Variants in GAB1 observed in about 807,000 individuals in gnomAD.
GAB1 encodes GRB2-associated-binding protein 1.
A neutral mutation model predicts 66.5 loss-of-function variants in GAB1; 19 were observed. That is an observed-to-expected ratio of 0.29 (90% CI 0.20 to 0.42). The LOEUF (loss-of-function observed/expected upper bound fraction) is 0.42. Among genes scored for constraint, GAB1 ranks in the 10% least tolerant of loss-of-function variants. GAB1 has a pLI of 1.00. For missense variants in GAB1, 732 were observed against 858.5 expected, an observed-to-expected ratio of 0.85 and a Z score of 1.84; for synonymous variants, 294 against 301.4, an observed-to-expected ratio of 0.98 and a Z score of 0.25.
At chr4:143,426,101 A>C in intron 2 of GAB1, 2 of 489,938 alleles carry the variant, frequency 4.1e-6, no homozygotes, top group Admixed American at 3.6e-5. Flanking sequence ...TAAAGATAAA[A>C]AGTTAGAGGT....
intron 2 of GAB1, chr4:143,424,848 GGGAGGCTGAGGCA>G: frequency 2.5e-6 from 1 of 398,240 alleles, no homozygotes; most frequent in South Asian, 2.5e-5. Context: ...CCAGCTACTC[GGGAGGCTGAGGCA>G]GGAGAATCAC....
chr4:143,416,517 T>C (rs1578681757), intron 2 of GAB1, among the ~76,000 whole-genome samples: 1 of 152,212 alleles, frequency 6.6e-6, no homozygotes, highest in East Asian at 1.9e-4. Flanking sequence ...ACACCTATAA[T>C]CCCTGCACTT....
At chr4:143,348,824 A>G (rs1481283168) in intron 1 of GAB1, among the ~76,000 whole-genome samples, 1 of 152,062 alleles carries the variant, frequency 6.6e-6, no homozygotes, top group Non-Finnish European at 1.5e-5. Context: ...CCCTTCAGCT[A>G]TACTGAACTT....
At chr4:143,410,848 G>C (rs1256473127) in intron 1 of GAB1, among the ~76,000 whole-genome samples, 1 of 152,108 alleles carries the variant, frequency 6.6e-6, no homozygotes, top group Non-Finnish European at 1.5e-5. Context: ...AGCAGACATT[G>C]ACTGAGCACC....
At chr4:143,379,294 A>G (rs1560729029) in intron 1 of GAB1, among the ~76,000 whole-genome samples, 1 of 152,230 alleles carries the variant, frequency 6.6e-6, no homozygotes, top group Non-Finnish European at 1.5e-5. Context: ...ACTTAGAGAT[A>G]CAAAAAATAG....
chr4:143,458,090 T>C lies in GAB1; in HGVS notation c.1586-1295T>C, dbSNP rs1463327545. Among the ~76,000 whole-genome samples, 4 of 152,172 alleles carry C rather than the reference T, an allele frequency of 2.6e-5. No homozygotes were observed. The South Asian group carries it at 8.3e-4, about 31-fold the overall frequency. On this transcript the variant is annotated intron_variant, in intron 6 of 9. Coordinates refer to ENST00000262994, the MANE Select transcript of GAB1 (RefSeq NM_002039.4). Reference sequence around the variant, plus strand: ...TGTGATTTTCTGTTGTCTTCTGTCTTTATGTATATGTGTTCTGTTCTGAGA... The same window carrying C: ...TGTGATTTTCTGTTGTCTTCTGTCTCTATGTATATGTGTTCTGTTCTGAGA...
chr4:143,348,134 A>G (rs1019813736), intron 1 of GAB1, among the ~76,000 whole-genome samples: 3 of 152,216 alleles, frequency 2.0e-5, no homozygotes, highest in Non-Finnish European at 2.9e-5. Context: ...CCCAGTTCCC[A>G]TAAGAACTCT....
chr4:143,346,764 A>G (rs1297273209), intron 1 of GAB1, among the ~76,000 whole-genome samples: 1 of 152,224 alleles, frequency 6.6e-6, no homozygotes, highest in African/African-American at 2.4e-5. Context: ...GAGAAAAGGT[A>G]AAAGGAAATA....
Position 143,460,630 on chromosome 4 carries a change from A to C in GAB1, c.1803+143A>C, listed in dbSNP as rs1735440377. 7.0e-6 allele frequency: 5 copies of C among 712,374 alleles called. 1 individual carries two copies. In the South Asian group the frequency reaches 1.3e-4, roughly 18 times the overall value. 44.1% of individuals were successfully genotyped at this position (712,374 alleles called of 1,614,324 possible). ...AAGACAACTTTTAAAAAGCTTATTA[A>C]AAATAATGTCATAAACTCTAAAACC... On this transcript the variant is annotated intron_variant, in intron 8 of 9. Transcript: ENST00000262994.
intron 6 of GAB1, among the ~76,000 whole-genome samples, chr4:143,441,064 G>A (rs1382420637): frequency 1.3e-5 from 2 of 152,086 alleles, no homozygotes; most frequent in African/African-American, 2.4e-5. Flanking sequence ...CTTTGCTGGG[G>A]TAATACATGC....
At position 143,453,383 on chromosome 4, in the gene GAB1, A is replaced by C. The variant is rs554474211; in HGVS notation, c.1586-6002A>C. ...CTTTTAGTACCCACCCCAGAAAAAA[A>C]GGTAATGAAGATGAAGAAGAACTCG... is the stretch of plus-strand genomic sequence containing the variant. On this transcript the variant is annotated intron_variant, in intron 6 of 9. Transcript: ENST00000262994. Among the ~76,000 whole-genome samples, 158 of 152,288 alleles carry C rather than the reference A, an allele frequency of 1.0e-3. No homozygotes were observed. The Middle Eastern group carries it at 0.014, about 13-fold the overall frequency.
At chr4:143,468,913 A>C in intron 9 of GAB1, 118 bp from the exon 10 acceptor site, 2 of 1,070,928 alleles carry the variant, frequency 1.9e-6, no homozygotes, top group Non-Finnish European at 2.6e-6. Context: ...ACAAGAGCAA[A>C]ACTCCTTCTC....
chr4:143,456,122 A>T (rs992108967), intron 6 of GAB1, among the ~76,000 whole-genome samples: 1 of 152,046 alleles, frequency 6.6e-6, no homozygotes, highest in African/African-American at 2.4e-5. Flanking sequence ...TCTGCCTCTT[A>T]TTTTTTTTGA....
At chr4:143,349,736 C>A (rs1729119102) in intron 1 of GAB1, 1 of 1,587,172 alleles carries the variant, frequency 6.3e-7, no homozygotes, top group Non-Finnish European at 8.5e-7. Context: ...GAGCACTTAA[C>A]ACCCAGACCG....
chr4:143,409,379 T>G (rs1732237273), intron 1 of GAB1, among the ~76,000 whole-genome samples: 1 of 148,468 alleles, frequency 6.7e-6, no homozygotes, highest in African/African-American at 2.5e-5. Flanking sequence ...ATAACAACTT[T>G]GAACTTTCCC....
At position 143,438,459 on chromosome 4, in the gene GAB1, C is replaced by G. The variant is rs1288110004; in HGVS notation, c.1054C>G (p.His352Asp). ...PPRPPKPHPA[H>D]DRSPVETCSI... ...TCGGCCACCGAAACCACATCCAGCTCATGACCGATCTCCTGTGGAAACGTG... is the reference window on the plus strand; with the variant it reads ...TCGGCCACCGAAACCACATCCAGCTGATGACCGATCTCCTGTGGAAACGTG... Residue 352 changes from histidine (H) to aspartate (D), a missense_variant, in exon 4 of 10, where the codon CAT becomes GAT. Around this residue, in one of 4 missense-constraint regions of GAB1, gnomAD observed 427 missense variants for 420.6 expected, o/e 1.02. Coordinates refer to ENST00000262994, the MANE Select transcript of GAB1 (RefSeq NM_002039.4). 1.2e-6 allele frequency: 2 copies of G among 1,613,978 alleles called. No homozygotes were observed. The highest frequency in any genetic ancestry group is 2.2e-5 in the East Asian group (1 of 44,880).
Position 143,466,156 on chromosome 4 carries a change from C to G in GAB1, c.1857C>G (p.Pro619=). ...LDGGSSPMIK[P]KGDKQVEYLD... is the part of the protein sequence containing the mutation. Reference sequence around the variant, plus strand: ...GAGGAAGCAGCCCTATGATCAAGCCCAAAGGAGACAAACAGGTGGAATACT... The same window carrying G: ...GAGGAAGCAGCCCTATGATCAAGCCGAAAGGAGACAAACAGGTGGAATACT... Residue 619 remains proline (P), a synonymous_variant, in exon 9 of 10, where the codon CCC becomes CCG. Coordinates refer to ENST00000262994, the MANE Select transcript of GAB1 (RefSeq NM_002039.4). The G allele has an allele frequency of 3.7e-6, 6 of 1,613,766 alleles. No homozygotes were observed. Among genetic ancestry groups the G allele is most frequent in the Non-Finnish European group, 4.2e-6 (5 of 1,179,774 alleles).
chr4:143,436,653 A>G (rs1218877897), intron 3 of GAB1, among the ~76,000 whole-genome samples: 1 of 152,150 alleles, frequency 6.6e-6, no homozygotes, highest in Non-Finnish European at 1.5e-5. Context: ...AAGAGAAGGA[A>G]TCAAGCTGAT....
chr4:143,446,138 G>T (rs1734510590), intron 6 of GAB1, among the ~76,000 whole-genome samples: 1 of 151,794 alleles, frequency 6.6e-6, no homozygotes, highest in African/African-American at 2.4e-5. Context: ...ATTTTTTATG[G>T]CTGCATAGTA....
Sources: gnomAD v4.1 joint callset for allele counts (sites outside exome capture counted in the v4.1 genomes callset) on GRCh38, gnomAD v4.1.1 for gene constraint, gnomAD v4.1.1 regional missense constraint, MANE v1.5 for transcripts, NCBI Gene and HGNC (gene_info 2026-07-23, HGNC 2026-07-21) for gene names.